The following GREB1 variants were observed in gnomAD, a reference collection of about 807,000 sequenced individuals.
The protein encoded by GREB1 is protein GREB1.
In GREB1, 106 loss-of-function variants were observed where a neutral mutation model predicts 200.7. The observed-to-expected ratio is 0.53, with a 90% confidence interval of 0.45 to 0.62. The LOEUF (loss-of-function observed/expected upper bound fraction) is 0.62, where lower values mean the gene tolerates loss of function less well. Among genes scored for constraint, GREB1 ranks in the 20% least tolerant of loss-of-function variants. The pLI, the probability that GREB1 is intolerant of heterozygous loss-of-function variation, is 0.00. For missense variants in GREB1, 2,243 were observed against 2,556.8 expected (o/e 0.88, Z 2.65); for synonymous variants, 1,132 against 1,092.4 (o/e 1.04, Z -0.72).
In GREB1 at chr2:11,632,197, A is replaced by T. The variant is rs1230138770; in HGVS notation, c.4816+84A>T. The T allele has an allele frequency of 4.2e-6, 4 of 953,418 alleles. No individual in the cohort carries two copies. The South Asian group carries it at 5.8e-5, about 14-fold the overall frequency. The allele number at this position is 953,418 out of a possible 1,614,324, so 59.1% of individuals were successfully genotyped here. A position where few individuals can be genotyped will look rare whatever the true frequency, so the allele number is the denominator to read the frequency against. On this transcript the variant is annotated intron_variant, in intron 27 of 32. Transcript: ENST00000381486. The stretch of plus-strand genomic sequence containing the variant: ...AGTGTTCTAGAGACAAAAGTTAAAC[A>T]TGTGACATCAGGCCTTTTACTTTTG...
At chr2:11,627,183 C>A in intron 25 of GREB1, 79 bp downstream of exon 25, 1 of 1,316,244 alleles carries the variant, frequency 7.6e-7, no homozygotes, top group Non-Finnish European at 1.0e-6. Flanking sequence ...CGCTTTCATT[C>A]CAGAGTGGGA....
At chr2:11,522,095 G>A (rs1337506883) in intron 1 of GREB1, among the ~76,000 whole-genome samples, 2 of 152,310 alleles carry the variant, frequency 1.3e-5, no homozygotes, top group Admixed American at 6.5e-5. Flanking sequence ...CTGTCTATCT[G>A]TCTGGCTTTG....
At chr2:11,520,158 GATTA>G (rs1173448923) in intron 1 of GREB1, among the ~76,000 whole-genome samples, 3 of 152,124 alleles carry the variant, frequency 2.0e-5, no homozygotes, top group African/African-American at 7.2e-5. Context: ...AAAGTTAAAT[GATTA>G]ATTAAGTACT....
In GREB1 at chr2:11,491,728, C is replaced by T. The variant is rs368018492; in HGVS notation, c.-159+9347C>T. On this transcript the variant is annotated intron_variant, in intron 1 of 2. Coordinates refer to the GREB1 transcript ENST00000628795. ...TCTTAAGTAAACATTAGCAGCCTCC[C>T]TGTCTGGTTCCCAGGAGTGAGGCTG... is the stretch of plus-strand genomic sequence containing the variant. Among the ~76,000 whole-genome samples the T allele has an allele frequency of 2.0e-5, 3 of 152,298 alleles. No individual in the cohort carries two copies. In the South Asian group the frequency reaches 6.2e-4, roughly 32 times the overall value.
chr2:11,511,903 C>T (rs1242570289), intron 1 of GREB1, among the ~76,000 whole-genome samples: 2 of 152,112 alleles, frequency 1.3e-5, no homozygotes, highest in African/African-American at 2.4e-5. Context: ...GTGGAGGAGA[C>T]CTTGGTGGGT....
chr2:11,578,508 C>G, intron 6 of GREB1, 77 bp downstream of exon 6: 4 of 1,457,126 alleles, frequency 2.7e-6, no homozygotes, highest in Non-Finnish European at 3.8e-6. Context: ...GTTGACTATG[C>G]CGTCAAGCAT....
chr2:11,589,526 A>T (rs567285166), intron 10 of GREB1, among the ~76,000 whole-genome samples: 1 of 152,130 alleles, frequency 6.6e-6, no homozygotes, highest in Non-Finnish European at 1.5e-5. Context: ...GTGTGGTCAG[A>T]GGGGGCCGGC....
chr2:11,632,776 GA>G, intron 27 of GREB1, 112 bp from the exon 28 acceptor site: 1 of 784,840 alleles, frequency 1.3e-6, no homozygotes, highest in Non-Finnish European at 2.1e-6. Flanking sequence ...TTCATGTCAG[GA>G]AGGTCGGGGC....
At chr2:11,562,629 C>T (rs368364864) in intron 3 of GREB1, 47 bp downstream of exon 3, 77 of 1,524,860 alleles carry the variant, frequency 5.0e-5, no homozygotes, top group South Asian at 2.8e-4. Context: ...CCATGCTGCC[C>T]GGAGGCAGTG....
At chr2:11,544,213 A>G (rs1271036823) in intron 1 of GREB1, among the ~76,000 whole-genome samples, 1 of 151,864 alleles carries the variant, frequency 6.6e-6, no homozygotes, top group Non-Finnish European at 1.5e-5. Flanking sequence ...CCTTTTATTT[A>G]TTTGTTTGTT....
intron 1 of GREB1, chr2:11,517,425 C>T (rs1673544791): frequency 6.6e-6 from 1 of 152,132 alleles, no homozygotes; most frequent in South Asian, 2.1e-4. Context: ...CTGAATGCGC[C>T]TGGTCTCAGA....
intron 3 of GREB1, among the ~76,000 whole-genome samples, chr2:11,564,158 G>A (rs76904731): frequency 0.032 from 4,875 of 152,268 alleles, 208 homozygotes; most frequent in East Asian, 0.18. Context: ...GTAGGGGCCT[G>A]AGGTGTGGCA....
At chr2:11,577,048 A>G (rs1208432217) in intron 5 of GREB1, among the ~76,000 whole-genome samples, 1 of 151,602 alleles carries the variant, frequency 6.6e-6, no homozygotes, top group African/African-American at 2.4e-5. Context: ...ACAAACAAAC[A>G]AACAAACGAA....
At chr2:11,573,082 C>T (rs1473629256) in intron 4 of GREB1, among the ~76,000 whole-genome samples, 1 of 152,128 alleles carries the variant, frequency 6.6e-6, no homozygotes, top group Non-Finnish European at 1.5e-5. Context: ...TTACCTGCCT[C>T]ACATCACCTA....
At chr2:11,561,551 G>T (rs897654251) in intron 2 of GREB1, 20 of 152,032 alleles carry the variant, frequency 1.3e-4, no homozygotes, top group African/African-American at 4.8e-4. Context: ...TTTCAGTAGA[G>T]ACAGGGTTTC....
At chr2:11,623,037 C>A (rs557007681) in intron 23 of GREB1, among the ~76,000 whole-genome samples, 4 of 152,356 alleles carry the variant, frequency 2.6e-5, no homozygotes, top group African/African-American at 9.6e-5. Context: ...CAATTCCACT[C>A]CAAGCATCAT....
chr2:11,616,382 C>T (rs1325249549), intron 20 of GREB1, among the ~76,000 whole-genome samples: 1 of 152,260 alleles, frequency 6.6e-6, no homozygotes, highest in East Asian at 1.9e-4. Flanking sequence ...GCATCTCCTC[C>T]ACCAGCTTGC....
rs1672822670 is a variant in GREB1, at chr2:11,493,917, G to T, written c.-159+11536G>T. On this transcript the variant is annotated intron_variant, in intron 1 of 2. Transcript: ENST00000628795. This position sits in a 1 kb window ranked among gnomAD's most constrained non-coding sequence, Gnocchi z 4.6. ...CAGGTTTAGAGAGGGTAGAATTTGA[G>T]CTGGTGTGTTTGGGGGCTTAGGAGA... is the stretch of plus-strand genomic sequence containing the variant. Among the ~76,000 whole-genome samples the T allele has an allele frequency of 6.6e-6, 1 of 152,184 alleles. No individual in the cohort carries two copies. Among genetic ancestry groups the T allele is most frequent in the Non-Finnish European group, 1.5e-5 (1 of 68,026 alleles).
chr2:11,635,618 T>C (rs1685251830), intron 30 of GREB1, among the ~76,000 whole-genome samples: 1 of 152,242 alleles, frequency 6.6e-6, no homozygotes, highest in Non-Finnish European at 1.5e-5. Flanking sequence ...ACCAGTATCC[T>C]GCAAGCTTCC....
Sources: allele counts gnomAD v4.1 joint callset (sites outside exome capture counted in the v4.1 genomes callset), GRCh38; gene constraint gnomAD v4.1.1; non-coding constraint Gnocchi (gnomAD v3.1); transcripts MANE v1.5; gene names NCBI Gene and HGNC (gene_info 2026-07-23, HGNC 2026-07-21).